The following NLGN1 variants were observed in gnomAD, a reference collection of about 807,000 sequenced individuals.
NLGN1 encodes neuroligin-1.
A neutral mutation model predicts 65.5 loss-of-function variants in NLGN1; 12 were observed. That is an observed-to-expected ratio of 0.18 (90% CI 0.12 to 0.30). NLGN1 has a LOEUF of 0.30. NLGN1 is among the 10% of genes least tolerant of loss of function. NLGN1 has a pLI of 1.00. For missense variants in NLGN1, 750 were observed against 1,007.1 expected (o/e 0.74, Z 3.46); for synonymous variants, 350 against 359.5 (o/e 0.97, Z 0.30).
chr3:173,443,695 G>A (rs1381640512), intron 2 of NLGN1, among the ~76,000 whole-genome samples: 1 of 152,092 alleles, frequency 6.6e-6, no homozygotes, highest in Non-Finnish European at 1.5e-5. Flanking sequence ...TAAACATTAC[G>A]CTTAAGGTGC....
intron 4 of NLGN1, among the ~76,000 whole-genome samples, chr3:174,009,738 A>C (rs1725152420): frequency 6.6e-6 from 1 of 152,192 alleles, no homozygotes. Context: ...TTATAATCTG[A>C]GTTTCCACAG....
chr3:174,239,067 CT>C (rs886200563), intron 4 of NLGN1, among the ~76,000 whole-genome samples: 69 of 150,982 alleles, frequency 4.6e-4, no homozygotes, highest in African/African-American at 1.5e-3. Context: ...TTTTTTCTTT[CT>C]TTTTTTTTAT....
intron 3 of NLGN1, among the ~76,000 whole-genome samples, chr3:173,712,485 A>G (rs374221496): frequency 3.9e-5 from 6 of 152,160 alleles, no homozygotes; most frequent in East Asian, 1.9e-4. Flanking sequence ...GGCTGCCTGG[A>G]CTCAGATTCT....
intron 4 of NLGN1, among the ~76,000 whole-genome samples, chr3:173,860,350 ATT>A (rs958358033): frequency 6.6e-5 from 10 of 152,026 alleles, no homozygotes; most frequent in African/African-American, 1.2e-4. Context: ...GGGTTTCCAA[ATT>A]TCTGAACATT....
intron 4 of NLGN1, among the ~76,000 whole-genome samples, chr3:173,926,159 AT>A (rs1013397532): frequency 6.6e-5 from 10 of 151,166 alleles, no homozygotes; most frequent in South Asian, 2.1e-4. Context: ...TTTAAATAGT[AT>A]TTTTTTTTCT....
chr3:173,520,322 C>T (rs1734548139), intron 2 of NLGN1, among the ~76,000 whole-genome samples: 1 of 151,990 alleles, frequency 6.6e-6, no homozygotes, highest in Admixed American at 6.6e-5. Flanking sequence ...GTACTTAGTC[C>T]AATATAACAG....
At chr3:173,403,199 T>C (rs1718024137) in intron 1 of NLGN1, among the ~76,000 whole-genome samples, 1 of 152,112 alleles carries the variant, frequency 6.6e-6, no homozygotes, top group African/African-American at 2.4e-5. Context: ...AACTGAATAA[T>C]TGGAAAATGT....
chr3:173,429,131 A>G (rs1043868086), intron 1 of NLGN1, among the ~76,000 whole-genome samples: 1 of 152,120 alleles, frequency 6.6e-6, no homozygotes, highest in East Asian at 1.9e-4. Context: ...GACGGCTATT[A>G]GATTTGCTCT....
chr3:174,139,649 G>C (rs1721943216), intron 4 of NLGN1, among the ~76,000 whole-genome samples: 1 of 152,078 alleles, frequency 6.6e-6, no homozygotes, highest in African/African-American at 2.4e-5. Flanking sequence ...ATGCTGGATT[G>C]TATGGTAAGA....
chr3:174,268,773 ACTCCC>A (rs1748769716), intron 4 of NLGN1, among the ~76,000 whole-genome samples: 1 of 151,536 alleles, frequency 6.6e-6, no homozygotes, highest in African/African-American at 2.4e-5. Flanking sequence ...TTCCCACTGT[ACTCCC>A]CCGTGTCCAG....
At chr3:173,755,489 T>C (rs911430992) in intron 3 of NLGN1, among the ~76,000 whole-genome samples, 8 of 152,096 alleles carry the variant, frequency 5.3e-5, no homozygotes, top group African/African-American at 1.9e-4. Flanking sequence ...TTTGACATGT[T>C]GTAGGTTCTT....
At chr3:173,805,024 C>T (rs1467596254) in intron 3 of NLGN1, among the ~76,000 whole-genome samples, 1 of 152,064 alleles carries the variant, frequency 6.6e-6, no homozygotes, top group African/African-American at 2.4e-5. Flanking sequence ...GAAACTCAGT[C>T]TCAAAAATAA....
intron 4 of NLGN1, among the ~76,000 whole-genome samples, chr3:174,106,787 C>G (rs992460502): frequency 2.0e-5 from 3 of 151,956 alleles, no homozygotes; most frequent in African/African-American, 7.3e-5. Flanking sequence ...CTCTGAAGGC[C>G]TAAGAACCAA....
Position 174,280,632 on chromosome 3 carries a change from A to G in NLGN1, c.1801A>G (p.Asn601Asp), listed in dbSNP as rs775814796. 1 of 1,613,340 alleles carries G rather than the reference A, an allele frequency of 6.2e-7. No homozygotes were observed. The highest frequency in any genetic ancestry group is 8.5e-7 in the Non-Finnish European group (1 of 1,179,524). Residue 601 changes from asparagine to aspartate, a missense_variant, in exon 7 of 7, where the codon AAT becomes GAT. Asn to Asp is a conservative substitution (Grantham distance 23). Coordinates refer to ENST00000457714, the Ensembl canonical transcript of NLGN1. This position sits in a 1 kb window ranked among gnomAD's most constrained non-coding sequence, Gnocchi z 4.9. Reference sequence around the variant, plus strand: ...AAGAGTTAAAGAACATTACAGAGCCAATAAGGTGAACCTCTGGTTGGAGTT... The same window carrying G: ...AAGAGTTAAAGAACATTACAGAGCCGATAAGGTGAACCTCTGGTTGGAGTT...
intron 4 of NLGN1, among the ~76,000 whole-genome samples, chr3:174,205,027 A>G (rs1735144985): frequency 6.6e-6 from 1 of 152,208 alleles, no homozygotes; most frequent in Admixed American, 6.5e-5. Flanking sequence ...CTCTTGATCC[A>G]GAAATTATGT....
At chr3:173,554,373 A>G (rs979271149) in intron 2 of NLGN1, among the ~76,000 whole-genome samples, 1 of 152,210 alleles carries the variant, frequency 6.6e-6, no homozygotes, top group Non-Finnish European at 1.5e-5. Context: ...GAGAGAATCC[A>G]GTGTATGGTA....
At chr3:173,921,866 GAAA>G (rs1245266317) in intron 4 of NLGN1, among the ~76,000 whole-genome samples, 1 of 152,158 alleles carries the variant, frequency 6.6e-6, no homozygotes, top group Admixed American at 6.5e-5. Flanking sequence ...CTGGCTGACT[GAAA>G]CAGACCCTTA....
chr3:173,474,517 A>T (rs574750756), intron 2 of NLGN1, among the ~76,000 whole-genome samples: 4 of 152,348 alleles, frequency 2.6e-5, no homozygotes, highest in Admixed American at 1.3e-4. Flanking sequence ...AAAATTATTT[A>T]TGAGAAAAGG....
At chr3:173,694,068 A>C (rs955849586) in intron 3 of NLGN1, among the ~76,000 whole-genome samples, 1 of 152,136 alleles carries the variant, frequency 6.6e-6, no homozygotes, top group Non-Finnish European at 1.5e-5. Flanking sequence ...GAGGAAACTG[A>C]ATCCCAAAGT....
Sources: gnomAD v4.1 joint callset for allele counts (sites outside exome capture counted in the v4.1 genomes callset) on GRCh38, gnomAD v4.1.1 for gene constraint, Gnocchi (gnomAD v3.1) non-coding constraint, MANE v1.5 for transcripts, NCBI Gene and HGNC (gene_info 2026-07-23, HGNC 2026-07-21) for gene names.